Variants in KDM4C observed in about 807,000 individuals in gnomAD.
KDM4C encodes the protein lysine demethylase 4C, also known as lysine-specific demethylase 4C.
KDM4C carries 81 observed loss-of-function variants against 129.3 expected under a neutral mutation model. The ratio of observed to expected loss-of-function variants is 0.63; its 90% confidence interval spans 0.52 to 0.75. KDM4C has a LOEUF of 0.75. Among genes scored for constraint, KDM4C ranks in the 30% least tolerant of loss-of-function variants. KDM4C has a pLI of 0.00. For missense variants in KDM4C, 1,457 were observed against 1,304.0 expected (o/e 1.12, Z -1.81); for synonymous variants, 573 against 456.1 (o/e 1.26, Z -3.26).
chr9:6,752,616 G>GCC (rs1818110569), intron 1 of KDM4C, among the ~76,000 whole-genome samples: 1 of 151,706 alleles, frequency 6.6e-6, no homozygotes, highest in Non-Finnish European at 1.5e-5. Flanking sequence ...CACCATGTTG[G>GCC]TTAGGCTGAT....
chr9:7,077,056 A>C, intron 17 of KDM4C: 1 of 985,500 alleles, frequency 1.0e-6, no homozygotes, highest in Non-Finnish European at 1.2e-6. Flanking sequence ...ACGTATTTTG[A>C]GTTTAGGTGA....
At chr9:7,056,592 G>T (rs1052293862) in intron 17 of KDM4C, among the ~76,000 whole-genome samples, 1 of 152,146 alleles carries the variant, frequency 6.6e-6, no homozygotes, top group African/African-American at 2.4e-5. Flanking sequence ...TGTTACTATG[G>T]ATTTTTCTTT....
At chr9:6,959,767 A>G (rs1829713957) in intron 8 of KDM4C, among the ~76,000 whole-genome samples, 1 of 152,154 alleles carries the variant, frequency 6.6e-6, no homozygotes, top group African/African-American at 2.4e-5. Flanking sequence ...TTTACACCAA[A>G]TAACATGACG....
intron 8 of KDM4C, among the ~76,000 whole-genome samples, chr9:6,951,103 A>G (rs767448331): frequency 1.5e-4 from 23 of 152,156 alleles, no homozygotes; most frequent in Non-Finnish European, 2.1e-4. Context: ...GTTTTAATAC[A>G]TACAATTTAT....
At chr9:7,120,307 GT>G (rs1264894063) in intron 18 of KDM4C, among the ~76,000 whole-genome samples, 2 of 152,100 alleles carry the variant, frequency 1.3e-5, no homozygotes, top group Non-Finnish European at 2.9e-5. Flanking sequence ...GTAGTTAGCT[GT>G]CTTTTGTTTG....
chr9:7,014,223 T>C, intron 14 of KDM4C: 1 of 451,080 alleles, frequency 2.2e-6, no homozygotes, highest in Non-Finnish European at 3.9e-6. Context: ...GTCTGGTTTT[T>C]TTTGTTGGTT....
chr9:6,812,325 C>A (rs112239939), intron 3 of KDM4C, among the ~76,000 whole-genome samples: 194 of 152,142 alleles, frequency 1.3e-3, no homozygotes, highest in African/African-American at 4.5e-3. Flanking sequence ...CAGTTTCCAA[C>A]AATCTTGGAG....
chr9:6,853,304 A>T (rs575680346), intron 5 of KDM4C, among the ~76,000 whole-genome samples: 1 of 151,072 alleles, frequency 6.6e-6, no homozygotes, highest in South Asian at 2.1e-4. Context: ...CCTGGGCAAC[A>T]TGGCAAAACT....
At chr9:6,934,698 G>A (rs906868134) in intron 8 of KDM4C, among the ~76,000 whole-genome samples, 16 of 151,792 alleles carry the variant, frequency 1.1e-4, no homozygotes, top group Middle Eastern at 3.4e-3. Context: ...TCTTGACCTC[G>A]TGATCCGCCC....
At chr9:7,122,476 C>G (rs576394235) in intron 18 of KDM4C, among the ~76,000 whole-genome samples, 11 of 152,286 alleles carry the variant, frequency 7.2e-5, no homozygotes, top group African/African-American at 2.6e-4. Context: ...TGGGAGAGCA[C>G]TGCTCTAGAC....
chr9:6,737,928 G>A (rs1037507658), intron 1 of KDM4C, among the ~76,000 whole-genome samples: 1 of 151,478 alleles, frequency 6.6e-6, no homozygotes, highest in African/African-American at 2.4e-5. Flanking sequence ...CCTGAGTTCA[G>A]GAGTTCGGAG....
chr9:6,877,324 C>A (rs933931689), intron 5 of KDM4C, among the ~76,000 whole-genome samples: 1 of 152,192 alleles, frequency 6.6e-6, no homozygotes, highest in Non-Finnish European at 1.5e-5. Flanking sequence ...CGTCAGCCTC[C>A]CAAGTAGCTG....
At position 7,105,560 on chromosome 9, in the gene KDM4C, C is replaced by T. The variant is rs1837591039; in HGVS notation, c.2610+1690C>T. 11 of 437,070 alleles carry T rather than the reference C, an allele frequency of 2.5e-5. 1 individual carries two copies. Among genetic ancestry groups the T allele is most frequent in the South Asian group, 1.8e-4 (11 of 60,954 alleles). The allele number at this position is 437,070 out of a possible 1,614,324, so 27.1% of individuals were successfully genotyped here. A position where few individuals can be genotyped will look rare whatever the true frequency, so the allele number is the denominator to read the frequency against. ...ACCTAAGTTCAGAGAGGTTTAATTC[C>T]TTGCCCAAATAGATGCAGATAATGA... is the stretch of plus-strand genomic sequence containing the variant. On this transcript the variant is annotated intron_variant, in intron 18 of 21. Transcript: ENST00000381309.
chr9:7,014,062 C>G, intron 14 of KDM4C, 61 bp downstream of exon 14: 3 of 1,439,684 alleles, frequency 2.1e-6, no homozygotes, highest in South Asian at 1.2e-5. Context: ...ATCTTTATTT[C>G]TCACTTTTTT....
intron 15 of KDM4C, among the ~76,000 whole-genome samples, chr9:7,027,688 G>T (rs933510152): frequency 1.3e-5 from 2 of 152,218 alleles, no homozygotes; most frequent in Admixed American, 6.5e-5. Context: ...ATGGTGAGTT[G>T]TTGTGGGCCC....
intron 18 of KDM4C, among the ~76,000 whole-genome samples, chr9:7,123,313 G>C (rs141503263): frequency 3.3e-5 from 5 of 152,114 alleles, no homozygotes; most frequent in African/African-American, 2.4e-5. Context: ...TCCAGACCCT[G>C]TGAGTTTCAC....
At chr9:6,746,277 T>C (rs1486108000) in intron 1 of KDM4C, among the ~76,000 whole-genome samples, 1 of 138,490 alleles carries the variant, frequency 7.2e-6, no homozygotes, top group East Asian at 2.1e-4. Flanking sequence ...TTTTTTTTTT[T>C]TTTTTTTTGG....
intron 18 of KDM4C, among the ~76,000 whole-genome samples, chr9:7,108,298 A>G (rs542504946): frequency 1.7e-4 from 26 of 152,104 alleles, no homozygotes; most frequent in Middle Eastern, 3.4e-3. Flanking sequence ...GCGCAGTGGC[A>G]TGATCTCGAC....
chr9:7,080,436 G>T (rs1834399150), intron 17 of KDM4C, among the ~76,000 whole-genome samples: 1 of 152,148 alleles, frequency 6.6e-6, no homozygotes, highest in South Asian at 2.1e-4. Context: ...TTGTGTTAAG[G>T]CCATTGTATA....
Sources: allele counts gnomAD v4.1 joint callset (sites outside exome capture counted in the v4.1 genomes callset), GRCh38; gene constraint gnomAD v4.1.1; transcripts MANE v1.5; gene names NCBI Gene and HGNC (gene_info 2026-07-23, HGNC 2026-07-21).